Variants in TNR observed in about 807,000 individuals in gnomAD.
TNR encodes the protein tenascin R.
TNR carries 45 observed loss-of-function variants against 150.4 expected under a neutral mutation model. That is an observed-to-expected ratio of 0.30 (90% CI 0.24 to 0.38). TNR has a LOEUF of 0.38. Ranked by LOEUF, TNR falls within the 10% of genes least tolerant of loss-of-function variation. TNR has a pLI of 1.00. For synonymous variants in TNR, 687 were observed against 678.4 expected, an observed-to-expected ratio of 1.01 and a Z score of -0.20; for missense variants, 1,544 against 1,759.1, an observed-to-expected ratio of 0.88 and a Z score of 2.19.
In TNR at chr1:175,622,817, T is replaced by C. The variant is rs1428491488; in HGVS notation, c.-164-94448A>G. Among the ~76,000 whole-genome samples, 8 of 152,358 alleles carry C rather than the reference T, an allele frequency of 5.3e-5. No homozygotes were observed. The South Asian group carries it at 1.4e-3, about 28-fold the overall frequency. On this transcript the variant is annotated intron_variant, in intron 1 of 22. Coordinates refer to ENST00000367674, the MANE Select transcript of TNR (RefSeq NM_003285.3). ...GGGAGAATATTTTCTTGCCTCTTCCTAGCTCCTGGTGATTTATGGGCACTC... is the reference window on the plus strand; with the variant it reads ...GGGAGAATATTTTCTTGCCTCTTCCCAGCTCCTGGTGATTTATGGGCACTC...
chr1:175,541,123 G>A (rs79303505), intron 1 of TNR, among the ~76,000 whole-genome samples: 5,745 of 152,214 alleles, frequency 0.038, 175 homozygotes, highest in Middle Eastern at 0.13. Flanking sequence ...CCTCCTCCGA[G>A]AAGACGTCCT....
chr1:175,549,567 T>C (rs536904520), intron 1 of TNR, among the ~76,000 whole-genome samples: 2 of 152,312 alleles, frequency 1.3e-5, no homozygotes, highest in South Asian at 2.1e-4. Context: ...CACAGTTTGG[T>C]GTTAAGACAG....
chr1:175,540,962 C>T (rs1415573625), intron 1 of TNR, among the ~76,000 whole-genome samples: 1 of 152,058 alleles, frequency 6.6e-6, no homozygotes, highest in Non-Finnish European at 1.5e-5. Flanking sequence ...TTTCTCAATG[C>T]CCACCCTCCC....
chr1:175,413,128 C>A (rs766727267), intron 2 of TNR, among the ~76,000 whole-genome samples: 16 of 152,188 alleles, frequency 1.1e-4, no homozygotes, highest in Admixed American at 3.3e-4. Context: ...CAGGCTCAAG[C>A]AATTCTCCTG....
intron 2 of TNR, among the ~76,000 whole-genome samples, chr1:175,412,981 T>C (rs1384888891): frequency 6.6e-6 from 1 of 152,216 alleles, no homozygotes; most frequent in Non-Finnish European, 1.5e-5. Flanking sequence ...CATTCTTCTG[T>C]ATTGCAAAGA....
intron 1 of TNR, among the ~76,000 whole-genome samples, chr1:175,604,011 T>G (rs567163049): frequency 6.6e-6 from 1 of 152,224 alleles, no homozygotes; most frequent in East Asian, 1.9e-4. Flanking sequence ...AGCACACCAG[T>G]GCTCCCACCA....
At chr1:175,529,745 T>A (rs1659991428) in intron 1 of TNR, among the ~76,000 whole-genome samples, 1 of 152,100 alleles carries the variant, frequency 6.6e-6, no homozygotes, top group Non-Finnish European at 1.5e-5. Flanking sequence ...GAATTACAAC[T>A]CCCCCTCCTG....
chr1:175,407,133 C>T (rs1234978351), intron 2 of TNR, among the ~76,000 whole-genome samples: 1 of 152,176 alleles, frequency 6.6e-6, no homozygotes, highest in African/African-American at 2.4e-5. Context: ...TTTCTTTTCA[C>T]TTCTAGGTGA....
At chr1:175,535,577 C>T (rs1193386882) in intron 1 of TNR, among the ~76,000 whole-genome samples, 1 of 151,858 alleles carries the variant, frequency 6.6e-6, no homozygotes, top group Non-Finnish European at 1.5e-5. Context: ...TCTCCTGCCT[C>T]AGCCTCCCAA....
In TNR at chr1:175,325,749, T is replaced by C. The variant is rs530578477; in HGVS notation, c.3794-1230A>G. Among the ~76,000 whole-genome samples the C allele has an allele frequency of 4.1e-3, 625 of 152,184 alleles. 3 individuals carry two copies. The highest frequency in any genetic ancestry group is 0.015 in the African/African-American group (613 of 41,502). On this transcript the variant is annotated intron_variant, in intron 21 of 22. Transcript: ENST00000367674. ...TGGATGAAGCTGGAAACCATCATTC[T>C]CAGCAAACTATCTCAAGGACAGAAA... is the stretch of plus-strand genomic sequence containing the variant.
intron 1 of TNR, among the ~76,000 whole-genome samples, chr1:175,625,549 G>T (rs529281640): frequency 6.6e-6 from 1 of 152,356 alleles, no homozygotes; most frequent in South Asian, 2.1e-4. Flanking sequence ...CCAGGCCTGT[G>T]TGCTCCACAG....
chr1:175,742,914 C>T (rs1278879971), intron 1 of TNR, among the ~76,000 whole-genome samples: 3 of 151,906 alleles, frequency 2.0e-5, no homozygotes, highest in Non-Finnish European at 2.9e-5. Context: ...TGGAGACACG[C>T]AGAAACCACC....
At chr1:175,666,772 A>G (rs1665544485) in intron 1 of TNR, among the ~76,000 whole-genome samples, 1 of 152,194 alleles carries the variant, frequency 6.6e-6, no homozygotes, top group Non-Finnish European at 1.5e-5. Flanking sequence ...TTATAGAGAC[A>G]GGTTCTCTTT....
intron 1 of TNR, among the ~76,000 whole-genome samples, chr1:175,538,282 C>T (rs1315276337): frequency 2.6e-5 from 4 of 152,214 alleles, no homozygotes; most frequent in South Asian, 4.1e-4. Context: ...ACTGTCTTTT[C>T]GGCTACAATG....
intron 1 of TNR, among the ~76,000 whole-genome samples, chr1:175,685,935 G>T (rs192555923): frequency 6.6e-6 from 1 of 151,508 alleles, no homozygotes; most frequent in Non-Finnish European, 1.5e-5. Context: ...AATGAGAGAA[G>T]TGGCCTTAAA....
chr1:175,417,075 G>GAAATAAATAAATAAATAAAT (rs1553218323), intron 2 of TNR, among the ~76,000 whole-genome samples: 2 of 138,166 alleles, frequency 1.4e-5, no homozygotes, highest in Non-Finnish European at 3.1e-5. Flanking sequence ...AAGAAAGAAA[G>GAAATAAATAAATAAATAAAT]AAATCTAAGA....
chr1:175,452,555 C>T (rs1489370307), intron 2 of TNR, among the ~76,000 whole-genome samples: 2 of 152,186 alleles, frequency 1.3e-5, no homozygotes, highest in Admixed American at 6.5e-5. Context: ...CCAGGCCATG[C>T]TTTGGGTGTG....
intron 2 of TNR, among the ~76,000 whole-genome samples, chr1:175,507,004 G>A (rs908003549): frequency 3.9e-5 from 6 of 152,142 alleles, no homozygotes; most frequent in African/African-American, 4.8e-5. Context: ...GGGAGTGTGC[G>A]GGCCACAGGG....
At chr1:175,523,000 T>C (rs1477177972) in intron 2 of TNR, among the ~76,000 whole-genome samples, 1 of 152,250 alleles carries the variant, frequency 6.6e-6, no homozygotes, top group Non-Finnish European at 1.5e-5. Flanking sequence ...TCAATTTGTA[T>C]CTGCACATTG....
Sources: allele counts gnomAD v4.1 joint callset (sites outside exome capture counted in the v4.1 genomes callset), GRCh38; gene constraint gnomAD v4.1.1; transcripts MANE v1.5; gene names NCBI Gene and HGNC (gene_info 2026-07-23, HGNC 2026-07-21).